MFHAS1: variants seen among roughly 807,000 people sequenced by gnomAD.
MFHAS1 encodes the protein multifunctional ROCO family signaling regulator 1.
MFHAS1 carries 50 observed loss-of-function variants against 70.4 expected under a neutral mutation model. The observed-to-expected ratio is 0.71, with a 90% CI of 0.57 to 0.90. The LOEUF (loss-of-function observed/expected upper bound fraction) is 0.90. MFHAS1 is among the 40% of genes least tolerant of loss of function. The pLI is 0.00. For missense variants in MFHAS1, 1,795 were observed against 1,347.6 expected, an observed-to-expected ratio of 1.33 and a Z score of -5.20; for synonymous variants, 952 against 620.0, an observed-to-expected ratio of 1.54 and a Z score of -7.96.
At chr8:8,788,747 C>T (rs922490513) in intron 2 of MFHAS1, among the ~76,000 whole-genome samples, 4 of 152,180 alleles carry the variant, frequency 2.6e-5, no homozygotes, top group African/African-American at 7.2e-5. Flanking sequence ...AGGATGGTTA[C>T]GGGAGGCTCC....
chr8:8,874,345 C>T (rs909790553), intron 1 of MFHAS1, among the ~76,000 whole-genome samples: 3 of 145,696 alleles, frequency 2.1e-5, no homozygotes, highest in Non-Finnish European at 4.4e-5. Context: ...CACACACACA[C>T]ACACACACAC....
At chr8:8,807,824 G>C (rs879470733) in intron 1 of MFHAS1, among the ~76,000 whole-genome samples, 22 of 152,160 alleles carry the variant, frequency 1.4e-4, no homozygotes, top group Non-Finnish European at 2.9e-4. Context: ...TATTCTCTTA[G>C]TAACAATTTA....
intron 1 of MFHAS1, among the ~76,000 whole-genome samples, chr8:8,816,927 C>T (rs1347286057): frequency 6.6e-6 from 1 of 152,184 alleles, no homozygotes; most frequent in African/African-American, 2.4e-5. Context: ...TGGCTTCTTT[C>T]TCCTCTTCTT....
intron 1 of MFHAS1, among the ~76,000 whole-genome samples, chr8:8,807,362 T>A (rs1387528599): frequency 6.6e-6 from 1 of 152,122 alleles, no homozygotes; most frequent in African/African-American, 2.4e-5. Flanking sequence ...GAGAATCACT[T>A]ACAATTTCAT....
intron 1 of MFHAS1, among the ~76,000 whole-genome samples, chr8:8,857,484 C>A (rs1808487004): frequency 6.6e-6 from 1 of 152,108 alleles, no homozygotes; most frequent in South Asian, 2.1e-4. Context: ...TCAGGCCCGG[C>A]GCGGTGTCTA....
intron 1 of MFHAS1, among the ~76,000 whole-genome samples, chr8:8,811,164 G>A (rs959787386): frequency 1.3e-5 from 2 of 151,994 alleles, no homozygotes; most frequent in Non-Finnish European, 2.9e-5. Flanking sequence ...GTCATCCGCA[G>A]AATAAAATCC....
intron 1 of MFHAS1, 103 bp from the exon 2 acceptor site, chr8:8,797,594 CA>C (rs1278468005): frequency 1.2e-5 from 16 of 1,303,798 alleles, no homozygotes; most frequent in Non-Finnish European, 1.7e-5. Context: ...GGGAGAAGGG[CA>C]GAGGTGAAGC....
chr8:8,890,074 T>A lies in MFHAS1; in HGVS notation c.2985A>T (p.Pro995=). ...SKCLKRGSPN[P]HAFPGELLSQ... ...CTCTCCACTTACCTGGAAAAGCATG[T>A]GGATTGGGCGATCCTCTCTTAAGGC... The change falls in exon 1 of 3, where the codon CCA becomes CCT. Residue 995 remains proline, a synonymous_variant. Transcript: ENST00000276282. The A allele has an allele frequency of 6.3e-7, 1 of 1,597,050 alleles. No individual in the cohort carries two copies. Among genetic ancestry groups the A allele is most frequent in the East Asian group, 2.2e-5 (1 of 44,576 alleles).
intron 1 of MFHAS1, among the ~76,000 whole-genome samples, chr8:8,847,969 T>C (rs115017246): frequency 6.6e-6 from 1 of 152,202 alleles, no homozygotes; most frequent in South Asian, 2.1e-4. Context: ...CATGTAACAT[T>C]AAAAACACTA....
chr8:8,832,024 A>G (rs1807408097), intron 1 of MFHAS1, among the ~76,000 whole-genome samples: 1 of 148,738 alleles, frequency 6.7e-6, no homozygotes, highest in Admixed American at 6.8e-5. Context: ...ATAAACCTCA[A>G]TCCTTACTTC....
rs563533960 is a variant in MFHAS1 at position 8,783,538 on chromosome 8, G to A, written c.*2484C>T. Reference sequence around the variant, plus strand: ...ATTCAAAAGAGAGTCCAATACACAAGTGTCAAATATGAGCACTGTCATTTT... The same window carrying A: ...ATTCAAAAGAGAGTCCAATACACAAATGTCAAATATGAGCACTGTCATTTT... On this transcript the variant is annotated 3_prime_UTR_variant, in exon 3 of 3. Transcript: ENST00000276282. 1.3e-5 allele frequency: 2 copies of A among 152,174 alleles called. No individual in the cohort carries two copies. Among genetic ancestry groups the A allele is most frequent in the African/African-American group, 2.4e-5 (1 of 41,488 alleles). The allele number at this position is 152,174 out of a possible 1,614,324, so 9.4% of individuals were successfully genotyped here.
chr8:8,829,381 A>G (rs577993308), intron 1 of MFHAS1, among the ~76,000 whole-genome samples: 3 of 152,272 alleles, frequency 2.0e-5, no homozygotes, highest in East Asian at 1.9e-4. Flanking sequence ...CTCTATTTCT[A>G]TATCAGATCG....
At chr8:8,855,104 C>A (rs1808388006) in intron 1 of MFHAS1, among the ~76,000 whole-genome samples, 1 of 152,092 alleles carries the variant, frequency 6.6e-6, no homozygotes, top group Non-Finnish European at 1.5e-5. Context: ...GGCCCCCACC[C>A]CCAGCATACC....
At chr8:8,800,055 A>G (rs985743173) in intron 1 of MFHAS1, among the ~76,000 whole-genome samples, 1 of 152,226 alleles carries the variant, frequency 6.6e-6, no homozygotes, top group African/African-American at 2.4e-5. Context: ...GCCTCCCCAA[A>G]GCAGGGACTG....
chr8:8,819,073 A>G (rs1321398481), intron 1 of MFHAS1, among the ~76,000 whole-genome samples: 1 of 152,226 alleles, frequency 6.6e-6, no homozygotes, highest in East Asian at 1.9e-4. Context: ...CTGGCTAAAT[A>G]AAGTCGGCTT....
intron 1 of MFHAS1, among the ~76,000 whole-genome samples, chr8:8,873,508 T>C (rs1809169513): frequency 6.6e-6 from 1 of 151,946 alleles, no homozygotes. Context: ...TCAAACACAT[T>C]TTAGAGTGCT....
intron 1 of MFHAS1, among the ~76,000 whole-genome samples, chr8:8,856,893 A>G (rs759623140): frequency 1.4e-5 from 2 of 147,406 alleles, no homozygotes; most frequent in African/African-American, 2.5e-5. Flanking sequence ...AGAAGCCACT[A>G]GGATTCTCTA....
chr8:8,853,024 CAGG>C (rs1255364083), intron 1 of MFHAS1, among the ~76,000 whole-genome samples: 4 of 152,134 alleles, frequency 2.6e-5, no homozygotes, highest in African/African-American at 7.2e-5. Flanking sequence ...CCAAAGGAAG[CAGG>C]AGGTCCTGAT....
chr8:8,813,205 T>G (rs1806615217), intron 1 of MFHAS1, among the ~76,000 whole-genome samples: 1 of 152,266 alleles, frequency 6.6e-6, no homozygotes, highest in African/African-American at 2.4e-5. Context: ...GCAGTGATGC[T>G]GGTATAAACC....
Sources: gnomAD v4.1 joint callset for allele counts (sites outside exome capture counted in the v4.1 genomes callset) on GRCh38, gnomAD v4.1.1 for gene constraint, MANE v1.5 for transcripts, NCBI Gene and HGNC (gene_info 2026-07-23, HGNC 2026-07-21) for gene names.